Variants in MTHFD1L observed in about 807,000 individuals in gnomAD.
MTHFD1L encodes monofunctional C1-tetrahydrofolate synthase, mitochondrial.
A neutral mutation model predicts 119.5 loss-of-function variants in MTHFD1L; 81 were observed. The ratio of observed to expected loss-of-function variants is 0.68; its 90% CI spans 0.57 to 0.82. The LOEUF (loss-of-function observed/expected upper bound fraction) is 0.82. MTHFD1L is among the 40% of genes least tolerant of loss of function. The pLI, the probability that MTHFD1L is intolerant of heterozygous loss-of-function variation, is 0.00. For missense variants in MTHFD1L, 1,125 were observed against 1,253.4 expected (o/e 0.90, Z 1.55); for synonymous variants, 430 against 475.2 (o/e 0.90, Z 1.24).
At position 151,099,749 on chromosome 6, in the gene MTHFD1L, G is replaced by A. The variant is rs939351584; in HGVS notation, c.*32-1777G>A. The A allele has an allele frequency of 1.2e-5, 20 of 1,609,474 alleles. No individual in the cohort carries two copies. In the South Asian group the frequency reaches 1.3e-4, roughly 11 times the overall value. ...AAGCACATGCTGCCCAGTGGCTTCC[G>A]GAAGTTCCTGGTCCACAACGTCAAG... On this transcript the variant is annotated intron_variant, in intron 27 of 27. Coordinates refer to ENST00000367321, the MANE Select transcript of MTHFD1L (RefSeq NM_015440.5).
chr6:150,934,015 A>T (rs1791622388), intron 11 of MTHFD1L, among the ~76,000 whole-genome samples: 1 of 152,176 alleles, frequency 6.6e-6, no homozygotes. Flanking sequence ...TTCTGTCCTT[A>T]TCCCTTTTCT....
At chr6:151,023,244 A>G (rs1449342679) in intron 24 of MTHFD1L, among the ~76,000 whole-genome samples, 1 of 151,772 alleles carries the variant, frequency 6.6e-6, no homozygotes, top group Non-Finnish European at 1.5e-5. Flanking sequence ...GCAGAGTTTC[A>G]CCATGTTGGC....
chr6:151,026,820 CTTTTTTTTTT>C (rs1158007442), intron 24 of MTHFD1L, among the ~76,000 whole-genome samples: 3 of 51,264 alleles, frequency 5.9e-5, no homozygotes, highest in East Asian at 8.2e-4. Flanking sequence ...CCTTTCTATC[CTTTTTTTTTT>C]TTTTTTTTTT....
chr6:150,917,399 G>A (rs1049986350), intron 8 of MTHFD1L, among the ~76,000 whole-genome samples: 14 of 151,960 alleles, frequency 9.2e-5, no homozygotes, highest in Admixed American at 2.6e-4. Context: ...GGCAGGTGCC[G>A]TAATCCCAGC....
At chr6:151,088,439 T>C (rs1467448592) in intron 26 of MTHFD1L, 1 of 152,124 alleles carries the variant, frequency 6.6e-6, no homozygotes, top group Non-Finnish European at 1.5e-5. Context: ...TGGCATTTAA[T>C]ATTTCGGCTA....
chr6:150,966,972 G>A lies in MTHFD1L; in HGVS notation c.2013+1935G>A, dbSNP rs140325606. 5.8e-4 allele frequency among the ~76,000 whole-genome samples: 88 copies of A among 152,334 alleles called. 2 individuals are homozygous for A. In the East Asian group the frequency reaches 0.016, roughly 28 times the overall value. On this transcript the variant is annotated intron_variant, in intron 19 of 27. Coordinates refer to ENST00000367321, the MANE Select transcript of MTHFD1L (RefSeq NM_015440.5). ...CAGCCCCGGGGGAGGGGTGCAGGAT[G>A]CACAGGTGCCAAGGCCACACCCTTC...
At chr6:150,983,457 G>C (rs1777831180) in intron 20 of MTHFD1L, among the ~76,000 whole-genome samples, 1 of 152,136 alleles carries the variant, frequency 6.6e-6, no homozygotes, top group Admixed American at 6.5e-5. Context: ...TGTTAGCCCA[G>C]CCCTATGAAA....
At chr6:150,990,312 G>A (rs118102812) in intron 20 of MTHFD1L, among the ~76,000 whole-genome samples, 10,747 of 151,940 alleles carry the variant, frequency 0.071, 541 homozygotes, top group Non-Finnish European at 0.1. Context: ...AACCATGATG[G>A]ATGATTAAAC....
intron 26 of MTHFD1L, among the ~76,000 whole-genome samples, chr6:151,052,639 A>T (rs1235956828): frequency 6.6e-6 from 1 of 152,238 alleles, no homozygotes; most frequent in South Asian, 2.1e-4. Flanking sequence ...TGAAGGCAGT[A>T]GGGTAAGCCA....
intron 26 of MTHFD1L, among the ~76,000 whole-genome samples, chr6:151,055,277 AAACTT>A (rs1489498804): frequency 6.6e-6 from 1 of 152,036 alleles, no homozygotes; most frequent in Non-Finnish European, 1.5e-5. Flanking sequence ...GAAAAAAAAA[AAACTT>A]AACTAGAACA....
intron 26 of MTHFD1L, among the ~76,000 whole-genome samples, chr6:151,056,634 A>G (rs1789979204): frequency 6.6e-6 from 1 of 152,168 alleles, no homozygotes; most frequent in South Asian, 2.1e-4. Context: ...TTTGAGGGAC[A>G]CTGGTGCTGT....
rs189478729 is a variant in MTHFD1L, at chr6:150,978,690, G to A, written c.2125+6632G>A. 3.2e-3 allele frequency among the ~76,000 whole-genome samples: 493 copies of A among 152,212 alleles called. 5 individuals are homozygous for A. Among genetic ancestry groups the A allele is most frequent in the African/African-American group, 0.011 (467 of 41,534 alleles). On this transcript the variant is annotated intron_variant, in intron 20 of 27. Coordinates refer to ENST00000367321, the MANE Select transcript of MTHFD1L (RefSeq NM_015440.5). ...CTGAGCCATTCCTGAGCATTAGACCGGTGCTGAGACTATCATATACCTTCT... is the reference window on the plus strand; with the variant it reads ...CTGAGCCATTCCTGAGCATTAGACCAGTGCTGAGACTATCATATACCTTCT...
At chr6:150,943,177 A>G (rs962650634) in intron 13 of MTHFD1L, among the ~76,000 whole-genome samples, 1 of 152,198 alleles carries the variant, frequency 6.6e-6, no homozygotes, top group African/African-American at 2.4e-5. Context: ...GCTACTTGGG[A>G]GGCAGGAGAA....
intron 1 of MTHFD1L, among the ~76,000 whole-genome samples, chr6:150,867,807 T>C (rs1283501884): frequency 6.7e-6 from 1 of 148,790 alleles, no homozygotes; most frequent in Non-Finnish European, 1.5e-5. Context: ...TTTTTTTTTT[T>C]TTTTTTTTGA....
chr6:150,924,678 A>G (rs956838087), intron 10 of MTHFD1L, among the ~76,000 whole-genome samples: 8 of 151,836 alleles, frequency 5.3e-5, no homozygotes, highest in African/African-American at 1.9e-4. Context: ...GGATTTTGCT[A>G]TGTTGGCCAG....
At chr6:151,022,245 A>G (rs550625641) in intron 24 of MTHFD1L, 2 of 323,028 alleles carry the variant, frequency 6.2e-6, no homozygotes, top group East Asian at 7.8e-5. Context: ...ATTATTTTCT[A>G]CATCTTGAAA....
At chr6:150,969,393 G>A (rs1647706109) in intron 19 of MTHFD1L, among the ~76,000 whole-genome samples, 1 of 152,120 alleles carries the variant, frequency 6.6e-6, no homozygotes, top group South Asian at 2.1e-4. Flanking sequence ...GACCTGCTGA[G>A]GCTGAGGCAG....
chr6:151,099,623 G>T (rs369390008), intron 27 of MTHFD1L: 156 of 1,607,200 alleles, frequency 9.7e-5, no homozygotes, highest in Middle Eastern at 8.3e-4. Flanking sequence ...AAAATTAAGC[G>T]TAACTGGTGG....
chr6:151,040,728 T>A (rs1055589095), intron 26 of MTHFD1L, among the ~76,000 whole-genome samples: 1 of 152,020 alleles, frequency 6.6e-6, no homozygotes, highest in African/African-American at 2.4e-5. Flanking sequence ...AATAAAATAA[T>A]AAAAAACACA....
Sources: gnomAD v4.1 joint callset for allele counts (sites outside exome capture counted in the v4.1 genomes callset) on GRCh38, gnomAD v4.1.1 for gene constraint, MANE v1.5 for transcripts, NCBI Gene and HGNC (gene_info 2026-07-23, HGNC 2026-07-21) for gene names.